Variants in TCF3 observed in about 807,000 individuals in gnomAD.
TCF3 encodes transcription factor E2-alpha.
In TCF3, 54 loss-of-function variants were observed where a neutral mutation model predicts 72.3. The ratio of observed to expected loss-of-function variants is 0.75; its 90% CI spans 0.60 to 0.94. TCF3 has a LOEUF of 0.94. Among genes scored for constraint, TCF3 ranks in the 40% least tolerant of loss-of-function variants. The pLI, the probability that TCF3 is intolerant of heterozygous loss-of-function variation, is 0.00. For missense variants in TCF3, 1,078 were observed against 934.4 expected, an observed-to-expected ratio of 1.15 and a Z score of -2.00; for synonymous variants, 525 against 412.6, an observed-to-expected ratio of 1.27 and a Z score of -3.30.
chr19:1,621,586 A>G (rs973060216), intron 11 of TCF3, among the ~76,000 whole-genome samples: 7 of 151,938 alleles, frequency 4.6e-5, no homozygotes, highest in African/African-American at 1.5e-4. Context: ...TGGGTGGGTG[A>G]GTCCCTCTCT....
At chr19:1,640,442 GTAA>G (rs530542516) in intron 3 of TCF3, among the ~76,000 whole-genome samples, 151 of 152,214 alleles carry the variant, frequency 9.9e-4, no homozygotes, top group African/African-American at 3.4e-3. Context: ...GTAAAATACG[GTAA>G]TAATTACACC....
chr19:1,619,571 A>T, intron 14 of TCF3, 97 bp from the exon 15 acceptor site: 1 of 1,461,234 alleles, frequency 6.8e-7, no homozygotes, highest in East Asian at 2.4e-5. Flanking sequence ...CGGTGGTCCC[A>T]TCTTCCCCTT....
intron 2 of TCF3, among the ~76,000 whole-genome samples, chr19:1,646,908 T>C (rs1316712008): frequency 1.3e-5 from 2 of 152,242 alleles, no homozygotes; most frequent in East Asian, 3.8e-4. Flanking sequence ...TTCCTGTGTG[T>C]GCACTGGCCC....
At chr19:1,638,634 A>C (rs962921789) in intron 3 of TCF3, among the ~76,000 whole-genome samples, 1 of 152,246 alleles carries the variant, frequency 6.6e-6, no homozygotes, top group Non-Finnish European at 1.5e-5. Flanking sequence ...AAGGGGGCAG[A>C]TGCGATTTCA....
At chr19:1,649,256 T>A (rs1325408313) in intron 2 of TCF3, among the ~76,000 whole-genome samples, 1 of 152,202 alleles carries the variant, frequency 6.6e-6, no homozygotes, top group Non-Finnish European at 1.5e-5. Context: ...TGGCCCAAGC[T>A]CGGCTTCTGG....
In TCF3 at chr19:1,640,080, G is replaced by A. The variant is rs142687380; in HGVS notation, c.145+6275C>T. 4.6e-3 allele frequency among the ~76,000 whole-genome samples: 693 copies of A among 152,306 alleles called. 12 individuals carry two copies. The highest frequency in any genetic ancestry group is 0.016 in the African/African-American group (657 of 41,562). On this transcript the variant is annotated intron_variant, in intron 3 of 18. Transcript: ENST00000262965. ...ACAAAGAAACCACCTAAAAGTTGGC[G>A]CATTGAGGACCGCGGCGCCCTCAGC...
chr19:1,635,028 C>A (rs993591565), intron 3 of TCF3, among the ~76,000 whole-genome samples: 1 of 152,184 alleles, frequency 6.6e-6, no homozygotes, highest in African/African-American at 2.4e-5. Flanking sequence ...GAAACCCAAT[C>A]GACAGACTTC....
intron 3 of TCF3, among the ~76,000 whole-genome samples, chr19:1,643,748 A>T (rs993693309): frequency 6.6e-6 from 1 of 152,258 alleles, no homozygotes; most frequent in African/African-American, 2.4e-5. Context: ...GACCCTTCAC[A>T]GGGGAAAACT....
chr19:1,652,153 C>A (rs934708128), intron 1 of TCF3, 147 bp downstream of exon 1: 6 of 149,508 alleles, frequency 4.0e-5, no homozygotes, highest in Non-Finnish European at 7.5e-5. Flanking sequence ...AACAATGACT[C>A]CCGGGCCGCG....
intron 6 of TCF3, 135 bp from the exon 7 acceptor site, chr19:1,625,843 G>A (rs953025365): frequency 1.4e-5 from 16 of 1,145,934 alleles, no homozygotes; most frequent in Admixed American, 8.0e-5. Context: ...TGCCTGTCAC[G>A]GTGTTTCTCT....
intron 5 of TCF3, among the ~76,000 whole-genome samples, chr19:1,630,236 C>T (rs1286429357): frequency 6.6e-6 from 1 of 152,184 alleles, no homozygotes; most frequent in Non-Finnish European, 1.5e-5. Context: ...CTCCCAGGTG[C>T]AGGGGCCACC....
At chr19:1,627,840 AC>A (rs1412644689) in intron 5 of TCF3, among the ~76,000 whole-genome samples, 1 of 42,158 alleles carries the variant, frequency 2.4e-5, no homozygotes, top group East Asian at 8.3e-4. Context: ...AGCAGAGCTC[AC>A]AGGGGGTGAG....
Position 1,622,206 on chromosome 19 carries a change from A to T in TCF3, c.670T>A (p.Ser224Thr). 2 of 1,555,962 alleles carry T rather than the reference A, an allele frequency of 1.3e-6. No homozygotes were observed. Among genetic ancestry groups the T allele is most frequent in the Non-Finnish European group, 1.7e-6 (2 of 1,152,206 alleles). ...FYVADGSLHP[S>T]AELWSPPGQA... is the part of the protein sequence containing the mutation. ...CCCGGGGGACTCCAGAGCTCGGCTGAGGGGTGCAGGCTGCCATCTGTGGAG... is the reference window on the plus strand; with the variant it reads ...CCCGGGGGACTCCAGAGCTCGGCTGTGGGGTGCAGGCTGCCATCTGTGGAG... The change falls in exon 10 of 19, where the codon TCA (serine) becomes ACA (threonine). Residue 224 changes from serine (S) to threonine (T), a missense_variant. By Grantham distance (58) the Ser-to-Thr change is moderately conservative. Transcript: ENST00000262965.
Position 1,646,499 on chromosome 19 carries a change from C to G in TCF3, c.73-72G>C, listed in dbSNP as rs1189196895. On this transcript the variant is annotated intron_variant, in intron 2 of 18. Transcript: ENST00000262965. ...AACCCTACAGTCCCGGGTTCAAACCCAAGCTGGGAGCAGAGCTGGGGACAC... is the reference window on the plus strand; with the variant it reads ...AACCCTACAGTCCCGGGTTCAAACCGAAGCTGGGAGCAGAGCTGGGGACAC... 2.1e-6 allele frequency: 3 copies of G among 1,419,630 alleles called. No homozygotes were observed. In the African/African-American group the frequency reaches 4.3e-5, roughly 20 times the overall value. The allele number at this position is 1,419,630 out of a possible 1,614,324, so 87.9% of individuals were successfully genotyped here.
chr19:1,624,909 G>A (rs1003175209), intron 7 of TCF3, among the ~76,000 whole-genome samples: 10 of 152,250 alleles, frequency 6.6e-5, no homozygotes, highest in East Asian at 5.8e-4. Flanking sequence ...ACAATGGTGC[G>A]ATCGCAGCTC....
At position 1,643,340 on chromosome 19, in the gene TCF3, C is replaced by T. The variant is rs75449382; in HGVS notation, c.145+3015G>A. Among the ~76,000 whole-genome samples, 261 of 152,298 alleles carry T rather than the reference C, an allele frequency of 1.7e-3. 5 individuals carry two copies. In the East Asian group the frequency reaches 0.041, roughly 24 times the overall value. ...GGCTCCAGCAATCCTCCTGCCTCAG[C>T]CTCCCGAGTAGCTGGGACCCCAAGT... On this transcript the variant is annotated intron_variant, in intron 3 of 18. Transcript: ENST00000262965.
Position 1,619,104 on chromosome 19 carries a change from G to A in TCF3, c.1450+7C>T, listed in dbSNP as rs2061869057. On this transcript the variant is annotated splice_region_variant and intron_variant, in intron 16 of 18. Coordinates refer to ENST00000262965, the MANE Select transcript of TCF3 (RefSeq NM_003200.5). ...GGAGTCGGACAGTCCCAAGCTCAAG[G>A]GCTTACCACTGTAGGAGTCGGGAGG... 4 of 1,599,300 alleles carry A rather than the reference G, an allele frequency of 2.5e-6. No individual in the cohort carries two copies. Among genetic ancestry groups the A allele is most frequent in the African/African-American group, 1.3e-5 (1 of 75,050 alleles).
intron 4 of TCF3, 45 bp from the exon 5 acceptor site, chr19:1,632,161 G>GC (rs747446303): frequency 6.5e-5 from 104 of 1,595,046 alleles, no homozygotes; most frequent in African/African-American, 1.9e-4. Context: ...GGCTTCACAG[G>GC]CCCCCCCTCC....
chr19:1,646,622 C>T (rs945663693), intron 2 of TCF3, among the ~76,000 whole-genome samples, 195 bp from the exon 3 acceptor site: 7 of 152,148 alleles, frequency 4.6e-5, no homozygotes, highest in Middle Eastern at 3.2e-3. Flanking sequence ...CCTCAAGTGA[C>T]GCTGCACCCT....
Sources: allele counts gnomAD v4.1 joint callset (sites outside exome capture counted in the v4.1 genomes callset), GRCh38; gene constraint gnomAD v4.1.1; transcripts MANE v1.5; gene names NCBI Gene and HGNC (gene_info 2026-07-23, HGNC 2026-07-21).